Variants in INPP4B observed in about 807,000 individuals in gnomAD.
INPP4B encodes inositol polyphosphate 4-phosphatase type II.
INPP4B carries 55 observed loss-of-function variants against 122.5 expected under a neutral mutation model. That is an observed-to-expected ratio of 0.45 (90% confidence interval 0.36 to 0.56). The LOEUF (loss-of-function observed/expected upper bound fraction) is 0.56, where lower values mean the gene tolerates loss of function less well. INPP4B is among the 20% of genes least tolerant of loss of function. The pLI, the probability that INPP4B is intolerant of heterozygous loss-of-function variation, is 0.00. For missense variants in INPP4B, 1,000 were observed against 1,097.7 expected (o/e 0.91, Z 1.26); for synonymous variants, 403 against 388.7 (o/e 1.04, Z -0.43).
chr4:142,811,200 C>G (rs1224457921), intron 1 of INPP4B, among the ~76,000 whole-genome samples: 1 of 152,112 alleles, frequency 6.6e-6, no homozygotes, highest in Non-Finnish European at 1.5e-5. Context: ...TATATATGCT[C>G]AGCACACCAA....
At chr4:142,746,631 G>C (rs926968359) in intron 1 of INPP4B, among the ~76,000 whole-genome samples, 1 of 152,016 alleles carries the variant, frequency 6.6e-6, no homozygotes, top group Non-Finnish European at 1.5e-5. Context: ...ATATAACAAG[G>C]CTACAGTAAG....
chr4:142,562,635 C>A (rs1225667335), intron 2 of INPP4B, among the ~76,000 whole-genome samples: 1 of 150,608 alleles, frequency 6.6e-6, no homozygotes, highest in Non-Finnish European at 1.5e-5. Context: ...CAGTTCCCAA[C>A]AGGTTGCACA....
intron 3 of INPP4B, among the ~76,000 whole-genome samples, chr4:142,437,410 C>T (rs76858221): frequency 0.058 from 8,780 of 151,860 alleles, 274 homozygotes; most frequent in African/African-American, 0.085. Context: ...TACAAAGAAC[C>T]GCACTAAGAT....
intron 2 of INPP4B, among the ~76,000 whole-genome samples, chr4:142,474,738 G>A (rs924828352): frequency 2.0e-5 from 3 of 152,120 alleles, no homozygotes; most frequent in African/African-American, 7.2e-5. Flanking sequence ...CAGCCGGAGA[G>A]CACAGCCACC....
At chr4:142,161,858 G>A (rs1377040241) in intron 16 of INPP4B, among the ~76,000 whole-genome samples, 2 of 151,804 alleles carry the variant, frequency 1.3e-5, no homozygotes, top group East Asian at 1.9e-4. Flanking sequence ...AAAGAAGTGT[G>A]GTGATATGTT....
rs173045 is a variant in INPP4B, at chr4:142,169,899, G to T, written c.1359+3733C>A. Among the ~76,000 whole-genome samples the T allele has an allele frequency of 5.3e-5, 8 of 151,492 alleles. No individual in the cohort carries two copies. In the South Asian group the frequency reaches 6.2e-4, roughly 12 times the overall value. On this transcript the variant is annotated intron_variant, in intron 16 of 25. Coordinates refer to ENST00000262992, the MANE Select transcript of INPP4B (RefSeq NM_001101669.3). Reference sequence around the variant, plus strand: ...AGGATAATAATGACTTATTAAACAAGGTCTATCAATCTCAATGGAATGGAG... The same window carrying T: ...AGGATAATAATGACTTATTAAACAATGTCTATCAATCTCAATGGAATGGAG...
At chr4:142,768,578 A>G (rs1406377384) in intron 1 of INPP4B, among the ~76,000 whole-genome samples, 1 of 152,218 alleles carries the variant, frequency 6.6e-6, no homozygotes, top group Non-Finnish European at 1.5e-5. Flanking sequence ...TGACTGTATT[A>G]TCTACCTCAG....
intron 11 of INPP4B, among the ~76,000 whole-genome samples, chr4:142,258,405 A>G (rs1737677941): frequency 6.6e-6 from 1 of 151,890 alleles, no homozygotes; most frequent in South Asian, 2.1e-4. Context: ...CTACCATCAG[A>G]GTGAACAGGC....
At chr4:142,644,076 C>T (rs1751171405) in intron 2 of INPP4B, among the ~76,000 whole-genome samples, 1 of 151,896 alleles carries the variant, frequency 6.6e-6, no homozygotes, top group East Asian at 1.9e-4. Context: ...TGGCAGGTGC[C>T]TATAGTCCTA....
intron 25 of INPP4B, among the ~76,000 whole-genome samples, chr4:142,051,942 A>C (rs1306536840): frequency 1.3e-5 from 2 of 152,030 alleles, no homozygotes; most frequent in Non-Finnish European, 2.9e-5. Context: ...ACCTCTCATT[A>C]CAAGAAAGCA....
chr4:142,483,543 T>C (rs1290879658), intron 2 of INPP4B, among the ~76,000 whole-genome samples: 1 of 152,026 alleles, frequency 6.6e-6, no homozygotes, highest in Non-Finnish European at 1.5e-5. Flanking sequence ...CTTGAAATTG[T>C]GTGCTTTATG....
intron 7 of INPP4B, among the ~76,000 whole-genome samples, chr4:142,326,765 T>C (rs1772542762): frequency 6.6e-6 from 1 of 152,170 alleles, no homozygotes; most frequent in Non-Finnish European, 1.5e-5. Flanking sequence ...AGCAAAGAAA[T>C]AATAACTCTG....
chr4:142,208,359 C>T, intron 14 of INPP4B, 66 bp downstream of exon 14: 1 of 724,310 alleles, frequency 1.4e-6, no homozygotes, highest in Non-Finnish European at 2.2e-6. Context: ...TGCCAATAGT[C>T]AAGCTGTTTA....
intron 7 of INPP4B, among the ~76,000 whole-genome samples, chr4:142,342,879 C>A (rs1779133114): frequency 6.6e-6 from 1 of 152,044 alleles, no homozygotes. Flanking sequence ...AGTACCAATA[C>A]TGAATAAATT....
intron 2 of INPP4B, among the ~76,000 whole-genome samples, chr4:142,641,247 A>T (rs1159377932): frequency 6.6e-6 from 1 of 152,056 alleles, no homozygotes; most frequent in African/African-American, 2.4e-5. Context: ...GCTATACAGC[A>T]CCAAAACTTT....
chr4:142,816,802 C>T (rs374285524), intron 1 of INPP4B, among the ~76,000 whole-genome samples: 1 of 151,546 alleles, frequency 6.6e-6, no homozygotes, highest in African/African-American at 2.4e-5. Flanking sequence ...CATTTAACAA[C>T]TATTAAGTAC....
intron 25 of INPP4B, among the ~76,000 whole-genome samples, chr4:142,034,817 A>G (rs979095886): frequency 2.6e-5 from 4 of 152,076 alleles, no homozygotes; most frequent in Non-Finnish European, 4.4e-5. Context: ...TGTCCTTTCT[A>G]AAGTATGGCT....
chr4:142,580,803 C>A (rs1734896166), intron 2 of INPP4B, among the ~76,000 whole-genome samples: 1 of 152,038 alleles, frequency 6.6e-6, no homozygotes, highest in South Asian at 2.1e-4. Context: ...GGGTCAAAAT[C>A]ATTTAATCCA....
intron 17 of INPP4B, among the ~76,000 whole-genome samples, chr4:142,158,864 T>A (rs1035826602): frequency 5.3e-5 from 8 of 151,960 alleles, no homozygotes; most frequent in African/African-American, 1.9e-4. Flanking sequence ...TCCAAGATTC[T>A]CACTTGATTT....
Sources: gnomAD v4.1 joint callset for allele counts (sites outside exome capture counted in the v4.1 genomes callset) on GRCh38, gnomAD v4.1.1 for gene constraint, MANE v1.5 for transcripts, NCBI Gene and HGNC (gene_info 2026-07-23, HGNC 2026-07-21) for gene names.